Variants in CD163 observed in about 807,000 individuals in gnomAD.
The protein encoded by CD163 is scavenger receptor cysteine-rich type 1 protein M130.
Under a neutral mutation model 129.2 loss-of-function variants are expected in CD163, and 64 were observed. That is an observed-to-expected ratio of 0.50 (90% CI 0.41 to 0.61). The LOEUF is 0.61. Ranked by LOEUF, CD163 falls within the 20% of genes least tolerant of loss-of-function variation. CD163 has a pLI of 0.00. For missense variants in CD163, 1,061 were observed against 1,377.9 expected (o/e 0.77, Z 3.64); for synonymous variants, 446 against 478.5 (o/e 0.93, Z 0.89).
At chr12:7,493,545 C>T (rs916663080) in intron 6 of CD163, among the ~76,000 whole-genome samples, 11 of 152,132 alleles carry the variant, frequency 7.2e-5, no homozygotes, top group African/African-American at 2.7e-4. Context: ...TTTCTTCAGT[C>T]ACTATTATTT....
rs768216441 is a variant in CD163 at position 7,496,111 on chromosome 12, G to A, written c.1099+702C>T. On this transcript the variant is annotated intron_variant, in intron 5 of 16. Coordinates refer to ENST00000432237, the MANE Select transcript of CD163 (RefSeq NM_203416.4). This position sits in a 1 kb window ranked among gnomAD's most constrained non-coding sequence, Gnocchi z 4.8. ...CAATAATAGACTGGATAAAGAAAATGTGGTACATATACACCATGGAATACT... is the reference window on the plus strand; with the variant it reads ...CAATAATAGACTGGATAAAGAAAATATGGTACATATACACCATGGAATACT... 6.6e-6 allele frequency among the ~76,000 whole-genome samples: 1 copy of A among 152,282 alleles called. No individual in the cohort carries two copies. Among genetic ancestry groups the A allele is most frequent in the South Asian group, 2.1e-4 (1 of 4,826 alleles).
rs117243530 is a variant in CD163, at chr12:7,492,838, T to A, written c.1420+2243A>T. Among the ~76,000 whole-genome samples, 25 of 152,276 alleles carry A rather than the reference T, an allele frequency of 1.6e-4. No homozygotes were observed. In the East Asian group the frequency reaches 4.4e-3, roughly 27 times the overall value. On this transcript the variant is annotated intron_variant, in intron 6 of 16. Coordinates refer to ENST00000432237, the MANE Select transcript of CD163 (RefSeq NM_203416.4). ...CCCCAAATTGAGGTGGTGGTAAAAC[T>A]GTAGCCTTGTCAGAAGATAAAATTG...
intron 6 of CD163, among the ~76,000 whole-genome samples, chr12:7,493,136 A>G (rs1165385848): frequency 6.6e-6 from 1 of 152,242 alleles, no homozygotes; most frequent in Non-Finnish European, 1.5e-5. Context: ...TCAGCCCTTG[A>G]TTAGTCAATC....
Position 7,483,692 on chromosome 12 carries a change from A to G in CD163, c.2780-17T>C, listed in dbSNP as rs1591997414. 5 of 1,578,076 alleles carry G rather than the reference A, an allele frequency of 3.2e-6. No individual in the cohort carries two copies. In the East Asian group the frequency reaches 9.0e-5, roughly 28 times the overall value. On this transcript the variant is annotated splice_polypyrimidine_tract_variant and intron_variant, in intron 11 of 16. Transcript: ENST00000432237. Reference sequence around the variant, plus strand: ...TTATCTTGTCTGAAAAATCAGAGACATGTAGCCTATTTCTAAGACTTCTAA... The same window carrying G: ...TTATCTTGTCTGAAAAATCAGAGACGTGTAGCCTATTTCTAAGACTTCTAA...
At chr12:7,482,244 T>C (rs1484153625) in intron 14 of CD163, among the ~76,000 whole-genome samples, 1 of 152,208 alleles carries the variant, frequency 6.6e-6, no homozygotes, top group Non-Finnish European at 1.5e-5. Context: ...CTAAACAATA[T>C]CTAACATATT....
chr12:7,494,965 T>C (rs1050377373), intron 6 of CD163, 116 bp downstream of exon 6: 21 of 767,788 alleles, frequency 2.7e-5, no homozygotes, highest in Middle Eastern at 2.4e-4. Flanking sequence ...TTTGTGTAGA[T>C]ATTTCCTGGT....
chr12:7,488,725 C>T (rs971818628), intron 6 of CD163, among the ~76,000 whole-genome samples: 1 of 152,178 alleles, frequency 6.6e-6, no homozygotes, highest in African/African-American at 2.4e-5. Flanking sequence ...TATTTTCATC[C>T]ATACTTTTTT....
In CD163 at chr12:7,497,154, A is replaced by G. The variant is rs1322626200; in HGVS notation, c.779-21T>C. Reference sequence around the variant, plus strand: ...TCCCTCTGTAACAGAGACACACAACAGGTCTGCGATAAGGAAGCAAGAACA... The same window carrying G: ...TCCCTCTGTAACAGAGACACACAACGGGTCTGCGATAAGGAAGCAAGAACA... On this transcript the variant is annotated intron_variant, in intron 4 of 16. Transcript: ENST00000432237. The G allele has an allele frequency of 1.9e-6, 3 of 1,593,772 alleles. No individual in the cohort carries two copies. The African/African-American group carries it at 4.1e-5, about 22-fold the overall frequency.
chr12:7,479,592 A>G (rs1177693429), intron 16 of CD163, among the ~76,000 whole-genome samples: 3 of 152,146 alleles, frequency 2.0e-5, no homozygotes, highest in African/African-American at 7.2e-5. Context: ...TAATGTCTTC[A>G]AAAGATTAAT....
Position 7,486,926 on chromosome 12 carries a change from G to A in CD163, c.2111C>T (p.Thr704Ile), listed in dbSNP as rs140184796. 2.4e-5 allele frequency: 38 copies of A among 1,614,116 alleles called. No homozygotes were observed. The East Asian group carries it at 6.5e-4, about 27-fold the overall frequency. The part of the protein sequence containing the change: ...NSSSLGPTRP[T>I]IPEESAVACI... ...GGCCACAGCACTTTCTTCTGGAATG[G>A]TAGGCCTTGTTGGGCCCAAAGACGA... The change falls in exon 9 of 17, where the codon ACC becomes ATC. Residue 704 changes from threonine to isoleucine, a missense_variant. Coordinates refer to ENST00000432237, the MANE Select transcript of CD163 (RefSeq NM_203416.4).
rs917335490 is a variant in CD163 at position 7,496,736 on chromosome 12, T to C, written c.1099+77A>G. On this transcript the variant is annotated intron_variant, in intron 5 of 16. Transcript: ENST00000432237. This position sits in a 1 kb window ranked among gnomAD's most constrained non-coding sequence, Gnocchi z 4.8. ...TACTTCTTAAGGAGCACGTTCCTAC[T>C]CTTAAGGAGCACAGGACTTTCCGTT... is the stretch of plus-strand genomic sequence containing the variant. The C allele has an allele frequency of 6.2e-6, 8 of 1,285,546 alleles. No homozygotes were observed. Among genetic ancestry groups the C allele is most frequent in the Non-Finnish European group, 9.0e-6 (8 of 890,714 alleles). The allele number at this position is 1,285,546 out of a possible 1,614,324, so 79.6% of individuals were successfully genotyped here. A position where few individuals can be genotyped will look rare whatever the true frequency, so the allele number is the denominator to read the frequency against.
Position 7,499,200 on chromosome 12 carries a change from A to G in CD163, c.458-12T>C, listed in dbSNP as rs1251766861. The G allele has an allele frequency of 6.3e-7, 1 of 1,596,128 alleles. No homozygotes were observed. Among genetic ancestry groups the G allele is most frequent in the African/African-American group, 1.3e-5 (1 of 74,582 alleles). On this transcript the variant is annotated splice_polypyrimidine_tract_variant and intron_variant, in intron 3 of 16. Transcript: ENST00000432237. ...CAAATTGGATCCATCTGGAGCAGAG[A>G]AAAGACCAGAGTTCAGAAGTTACAT... is the stretch of plus-strand genomic sequence containing the variant.
At chr12:7,475,097 C>CAAAAAAAAAAAAAAAAAAAAA (rs58901449) in intron 16 of CD163, among the ~76,000 whole-genome samples, 3 of 94,020 alleles carry the variant, frequency 3.2e-5, no homozygotes, top group African/African-American at 1.3e-4. Flanking sequence ...GCCTACCAAC[C>CAAAAAAAAAAAAAAAAAAAAA]AAAAAAAAAA....
chr12:7,482,642 C>T lies in CD163; in HGVS notation c.3247+1G>A. 6.2e-7 allele frequency: 1 copy of T among 1,614,028 alleles called. No individual in the cohort carries two copies. Among genetic ancestry groups the T allele is most frequent in the Non-Finnish European group, 8.5e-7 (1 of 1,179,940 alleles). On this transcript the variant is annotated splice_donor_variant, in intron 14 of 16. Coordinates refer to ENST00000432237, the MANE Select transcript of CD163 (RefSeq NM_203416.4). LOFTEE classifies it high-confidence loss of function. Reference sequence around the variant, plus strand: ...TTAGATAAACCAAATTTGGCTCAAACCTGCAAGCCGCTGTCTCTGTCTTCG... The same window carrying T: ...TTAGATAAACCAAATTTGGCTCAAATCTGCAAGCCGCTGTCTCTGTCTTCG...
At chr12:7,482,597 C>T (rs1380749758) in intron 14 of CD163, 46 bp downstream of exon 14, 1 of 1,588,616 alleles carries the variant, frequency 6.3e-7, no homozygotes, top group African/African-American at 1.4e-5. Flanking sequence ...TTACAAGAAC[C>T]CCCTTATCCT....
intron 6 of CD163, among the ~76,000 whole-genome samples, chr12:7,489,855 T>G (rs980075373): frequency 6.6e-6 from 1 of 152,062 alleles, no homozygotes; most frequent in Non-Finnish European, 1.5e-5. Context: ...TGCTGTTACC[T>G]TAAAAGCTTT....
In CD163 at chr12:7,485,507, A is replaced by G. The variant is rs1949235700; in HGVS notation, c.2459-91T>C. ...ACCTTGATGTAAGAATGGCTTTAAA[A>G]ATAGGTACAATAGTACAATATGTCA... On this transcript the variant is annotated intron_variant, in intron 10 of 16. Coordinates refer to ENST00000432237, the MANE Select transcript of CD163 (RefSeq NM_203416.4). The surrounding 1 kb of genome is among the most constrained non-coding windows in gnomAD (Gnocchi z 4.5). 1 of 860,732 alleles carries G rather than the reference A, an allele frequency of 1.2e-6. No individual in the cohort carries two copies. The highest frequency in any genetic ancestry group is 1.8e-6 in the Non-Finnish European group (1 of 552,146). The allele number at this position is 860,732 out of a possible 1,614,324, so 53.3% of individuals were successfully genotyped here. A position where few individuals can be genotyped will look rare whatever the true frequency, so the allele number is the denominator to read the frequency against.
At position 7,486,883 on chromosome 12, in the gene CD163, CAG is replaced by C; in HGVS notation, c.2143+9_2143+10del. The C allele has an allele frequency of 6.2e-7, 1 of 1,610,212 alleles. No homozygotes were observed. The highest frequency in any genetic ancestry group is 8.5e-7 in the Non-Finnish European group (1 of 1,177,764). ...TATTAATATTTTCATAGATTTGTCA[CAG>C]AGTCTTACCTATGCAGGCCACAGCA... On this transcript the variant is annotated intron_variant, in intron 9 of 16. Transcript: ENST00000432237.
intron 6 of CD163, among the ~76,000 whole-genome samples, chr12:7,493,543 G>A (rs1592006430): frequency 6.6e-6 from 1 of 152,230 alleles, no homozygotes; most frequent in Middle Eastern, 3.4e-3. Context: ...TCTTTCTTCA[G>A]TCACTATTAT....
Sources: gnomAD v4.1 joint callset for allele counts (sites outside exome capture counted in the v4.1 genomes callset) on GRCh38, gnomAD v4.1.1 for gene constraint, Gnocchi (gnomAD v3.1) non-coding constraint, MANE v1.5 for transcripts, NCBI Gene and HGNC (gene_info 2026-07-23, HGNC 2026-07-21) for gene names.